Variants in STIM1 observed in about 807,000 individuals in gnomAD.
STIM1 encodes the protein stromal interaction molecule 1.
A neutral mutation model predicts 74.7 loss-of-function variants in STIM1; 25 were observed. The ratio of observed to expected loss-of-function variants is 0.33; its 90% CI spans 0.24 to 0.47. The LOEUF (loss-of-function observed/expected upper bound fraction) is 0.47. Among genes scored for constraint, STIM1 ranks in the 20% least tolerant of loss-of-function variants. The probability of loss-of-function intolerance (pLI) is 1.00; values close to 1 mark genes in which losing one functional copy is unlikely to be tolerated. For synonymous variants in STIM1, 328 were observed against 348.8 expected, an observed-to-expected ratio of 0.94 and a Z score of 0.66; for missense variants, 728 against 920.8, an observed-to-expected ratio of 0.79 and a Z score of 2.71.
chr11:4,048,683 T>A (rs975938059), intron 3 of STIM1, among the ~76,000 whole-genome samples: 17 of 152,086 alleles, frequency 1.1e-4, no homozygotes, highest in African/African-American at 4.1e-4. Context: ...TAGAGATAAA[T>A]TTGCTTTCTG....
At chr11:3,998,401 T>C (rs1254139744) in intron 2 of STIM1, among the ~76,000 whole-genome samples, 1 of 152,142 alleles carries the variant, frequency 6.6e-6, no homozygotes, top group Non-Finnish European at 1.5e-5. Flanking sequence ...TTGGGGACCT[T>C]TTTCTTTCTT....
chr11:3,943,797 G>A (rs2093039428), intron 1 of STIM1, among the ~76,000 whole-genome samples: 1 of 152,114 alleles, frequency 6.6e-6, no homozygotes, highest in South Asian at 2.1e-4. Context: ...ATCATACTAA[G>A]GAACAAAGAC....
At chr11:3,899,038 T>C (rs1477946241) in intron 1 of STIM1, among the ~76,000 whole-genome samples, 1 of 152,184 alleles carries the variant, frequency 6.6e-6, no homozygotes, top group African/African-American at 2.4e-5. Flanking sequence ...AGTAGTTTTT[T>C]CCAATTCTGT....
chr11:4,029,276 T>C (rs2094026651), intron 3 of STIM1, among the ~76,000 whole-genome samples: 2 of 152,144 alleles, frequency 1.3e-5, no homozygotes, highest in Admixed American at 1.3e-4. Flanking sequence ...TGCTACTCTT[T>C]GGACGATAGA....
At chr11:4,029,073 A>T (rs2094024560) in intron 3 of STIM1, among the ~76,000 whole-genome samples, 1 of 152,086 alleles carries the variant, frequency 6.6e-6, no homozygotes, top group African/African-American at 2.4e-5. Context: ...CTGTAATCCC[A>T]GCTGCTCGGG....
chr11:4,034,125 A>G (rs1183553553), intron 3 of STIM1, among the ~76,000 whole-genome samples: 1 of 151,820 alleles, frequency 6.6e-6, no homozygotes, highest in Non-Finnish European at 1.5e-5. Context: ...GCTACTTGGG[A>G]GGCTGAGGCA....
intron 2 of STIM1, among the ~76,000 whole-genome samples, chr11:3,990,660 A>G (rs541584514): frequency 6.6e-6 from 1 of 152,326 alleles, no homozygotes; most frequent in Admixed American, 6.5e-5. Context: ...GTATAAAGCA[A>G]TATCTCATTA....
intron 3 of STIM1, among the ~76,000 whole-genome samples, chr11:4,033,290 G>A (rs1326481070): frequency 2.6e-5 from 4 of 152,270 alleles, no homozygotes; most frequent in South Asian, 2.1e-4. Flanking sequence ...GTCAGGTAGC[G>A]TGATGCCTCC....
chr11:4,060,273 G>A (rs765679349), intron 5 of STIM1, among the ~76,000 whole-genome samples: 20 of 152,162 alleles, frequency 1.3e-4, no homozygotes, highest in Non-Finnish European at 1.6e-4. Context: ...AACCAAACAG[G>A]ATCTTAGGGC....
intron 2 of STIM1, among the ~76,000 whole-genome samples, chr11:3,992,081 GTTTTTTTGTTT>G (rs1442008507): frequency 7.6e-5 from 7 of 91,964 alleles, no homozygotes; most frequent in Non-Finnish European, 4.0e-5. Flanking sequence ...GCCAACATCT[GTTTTTTTGTTT>G]TTTTTTTTTT....
At chr11:3,920,035 G>A (rs190183609) in intron 1 of STIM1, among the ~76,000 whole-genome samples, 5 of 152,044 alleles carry the variant, frequency 3.3e-5, no homozygotes, top group Non-Finnish European at 1.5e-5. Flanking sequence ...CTATGATTGC[G>A]CCAGTGTACT....
intron 11 of STIM1, 135 bp from the exon 12 acceptor site, chr11:4,086,342 G>T: frequency 1.0e-6 from 1 of 965,940 alleles, no homozygotes; most frequent in African/African-American, 1.7e-5. Flanking sequence ...GTTTCTGGGA[G>T]GAGGTGCCCC....
chr11:4,023,927 C>T lies in STIM1; in HGVS notation c.325C>T (p.His109Tyr), dbSNP rs397514676. The change falls in exon 3 of 13, where the codon CAT (histidine) becomes TAT (tyrosine). Residue 109 changes from histidine to tyrosine, a missense_variant. By Grantham distance (83) the His-to-Tyr change is moderately conservative. This residue lies in a region of STIM1 where 51 missense variants were observed against 101.1 expected (regional missense o/e 0.50). Transcript: ENST00000526596. ...CCCAACAGTGAAACACAGCACCTTCCATGGTGAGGATAAGCTCATCAGCGT... is the reference window on the plus strand; with the variant it reads ...CCCAACAGTGAAACACAGCACCTTCTATGGTGAGGATAAGCTCATCAGCGT... ...HDPTVKHSTF[H>Y]GEDKLISVED... The T allele has an allele frequency of 6.2e-7, 1 of 1,614,108 alleles. No homozygotes were observed. Among genetic ancestry groups the T allele is most frequent in the Admixed American group, 1.7e-5 (1 of 60,014 alleles).
chr11:3,946,240 T>A (rs1399749657), intron 1 of STIM1, among the ~76,000 whole-genome samples: 1 of 152,230 alleles, frequency 6.6e-6, no homozygotes, highest in Non-Finnish European at 1.5e-5. Flanking sequence ...ACTTGCCCTC[T>A]CTACACCCCA....
chr11:3,858,157 A>G (rs2090456248), intron 1 of STIM1, among the ~76,000 whole-genome samples: 1 of 151,802 alleles, frequency 6.6e-6, no homozygotes. Context: ...TTTTTTGGAG[A>G]GTGGGTGTTC....
At chr11:3,956,360 G>A (rs546627051) in intron 1 of STIM1, among the ~76,000 whole-genome samples, 1 of 152,226 alleles carries the variant, frequency 6.6e-6, no homozygotes, top group East Asian at 1.9e-4. Context: ...AGGAGAGTGA[G>A]GTGTCAAGGC....
intron 11 of STIM1, 35 bp downstream of exon 11, chr11:4,084,800 T>C (rs1490523535): frequency 1.2e-5 from 15 of 1,286,610 alleles, no homozygotes; most frequent in Non-Finnish European, 1.5e-5. Context: ...TTTGTTTTTC[T>C]GACTTTCGGG....
At chr11:3,896,392 C>T (rs917394945) in intron 1 of STIM1, among the ~76,000 whole-genome samples, 3 of 152,126 alleles carry the variant, frequency 2.0e-5, no homozygotes, top group East Asian at 1.9e-4. Context: ...GACTTACTCA[C>T]GATCATAGAG....
chr11:3,939,995 T>TA, intron 1 of STIM1, among the ~76,000 whole-genome samples: 1 of 152,244 alleles, frequency 6.6e-6, no homozygotes, highest in South Asian at 2.1e-4. Flanking sequence ...CTTTTTTTGT[T>TA]ACTTGTTTTC....
Sources: allele counts gnomAD v4.1 joint callset (sites outside exome capture counted in the v4.1 genomes callset), GRCh38; gene constraint gnomAD v4.1.1; regional missense constraint gnomAD v4.1.1; transcripts MANE v1.5; gene names NCBI Gene and HGNC (gene_info 2026-07-23, HGNC 2026-07-21).